The following DOCK7 variants were observed in gnomAD, a reference collection of about 807,000 sequenced individuals.
DOCK7 encodes the protein dedicator of cytokinesis protein 7.
A neutral mutation model predicts 271.0 loss-of-function variants in DOCK7; 138 were observed. The observed-to-expected ratio is 0.51, with a 90% CI of 0.44 to 0.59. The LOEUF (loss-of-function observed/expected upper bound fraction) is 0.59, where lower values mean the gene tolerates loss of function less well. Among genes scored for constraint, DOCK7 ranks in the 20% least tolerant of loss-of-function variants. The pLI, the probability that DOCK7 is intolerant of heterozygous loss-of-function variation, is 0.00. For missense variants in DOCK7, 2,066 were observed against 2,592.4 expected (o/e 0.80, Z 4.41); for synonymous variants, 823 against 876.1 (o/e 0.94, Z 1.07).
chr1:62,598,170 C>T, intron 14 of DOCK7: 1 of 1,046,842 alleles, frequency 9.6e-7, no homozygotes, highest in Non-Finnish European at 1.3e-6. Flanking sequence ...TGTTGAAATA[C>T]TTTTTTTTCC....
At chr1:62,666,148 A>C (rs954904468) in intron 1 of DOCK7, among the ~76,000 whole-genome samples, 4 of 152,182 alleles carry the variant, frequency 2.6e-5, no homozygotes, top group African/African-American at 9.7e-5. Flanking sequence ...TGGGCGACAG[A>C]GTGAGACTCT....
intron 43 of DOCK7, chr1:62,483,513 C>G (rs1194235611): frequency 6.6e-6 from 1 of 151,484 alleles, no homozygotes; most frequent in African/African-American, 2.4e-5. Context: ...TTTTCCTTAA[C>G]TTTCTTCATA....
intron 48 of DOCK7, among the ~76,000 whole-genome samples, chr1:62,466,218 G>A (rs1344088733): frequency 6.6e-6 from 1 of 151,382 alleles, no homozygotes; most frequent in African/African-American, 2.4e-5. Context: ...TGTTTTTTCT[G>A]AACAGATTTT....
At chr1:62,505,127 C>T (rs116004934) in intron 36 of DOCK7, among the ~76,000 whole-genome samples, 2,651 of 152,172 alleles carry the variant, frequency 0.017, 76 homozygotes, top group African/African-American at 0.06. Context: ...CAAAATAATA[C>T]GTAAGTTATT....
At chr1:62,665,428 A>G (rs1659178997) in intron 1 of DOCK7, among the ~76,000 whole-genome samples, 1 of 151,892 alleles carries the variant, frequency 6.6e-6, no homozygotes, top group Non-Finnish European at 1.5e-5. Flanking sequence ...AAAACAGGCC[A>G]GGCGCGGTGG....
chr1:62,667,952 G>A (rs1340788339), intron 1 of DOCK7, among the ~76,000 whole-genome samples: 1 of 151,944 alleles, frequency 6.6e-6, no homozygotes, highest in Non-Finnish European at 1.5e-5. Context: ...CCAGGGAGCT[G>A]GAGGTTGCAG....
chr1:62,584,858 A>T lies in DOCK7; in HGVS notation c.1801-1604T>A, dbSNP rs900097699. Reference sequence around the variant, plus strand: ...GAGGGAGAGGTCTAACTGTCGGTATAGGATGGGTGCAGCTGGGGCTCTGTA... The same window carrying T: ...GAGGGAGAGGTCTAACTGTCGGTATTGGATGGGTGCAGCTGGGGCTCTGTA... On this transcript the variant is annotated intron_variant, in intron 15 of 49. Coordinates refer to ENST00000635253, the MANE Select transcript of DOCK7 (RefSeq NM_001367561.1). 8.2e-5 allele frequency: 59 copies of T among 718,406 alleles called. No individual in the cohort carries two copies. In the East Asian group the frequency reaches 1.6e-3, roughly 19 times the overall value. 44.5% of individuals were successfully genotyped at this position (718,406 alleles called of 1,614,324 possible).
chr1:62,546,340 A>T (rs1645707135), intron 22 of DOCK7, among the ~76,000 whole-genome samples: 1 of 152,080 alleles, frequency 6.6e-6, no homozygotes, highest in Non-Finnish European at 1.5e-5. Context: ...TTTCAGGAGA[A>T]TATTTCCTCC....
At chr1:62,646,210 C>T (rs926296753) in intron 7 of DOCK7, among the ~76,000 whole-genome samples, 2 of 149,178 alleles carry the variant, frequency 1.3e-5, no homozygotes, top group Non-Finnish European at 3.0e-5. Context: ...CACAGATGAA[C>T]GTTGAAAACA....
intron 2 of DOCK7, among the ~76,000 whole-genome samples, chr1:62,661,110 AAAGATACAGGCC>A (rs1658611322): frequency 6.6e-6 from 1 of 152,128 alleles, no homozygotes; most frequent in South Asian, 2.1e-4. Flanking sequence ...AAAAAAAAAA[AAAGATACAGGCC>A]ACAACCTGAA....
chr1:62,605,598 A>T lies in DOCK7; in HGVS notation c.1682+13108T>A, dbSNP rs574808296. 3.3e-5 allele frequency: 5 copies of T among 152,562 alleles called. No homozygotes were observed. The East Asian group carries it at 9.6e-4, about 29-fold the overall frequency. 9.5% of individuals were successfully genotyped at this position (152,562 alleles called of 1,614,324 possible). ...TTGTAAAGGAATCTTGTCAGATTAC[A>T]GTAAGAATGAACATATTTGTGGCAT... is the stretch of plus-strand genomic sequence containing the variant. On this transcript the variant is annotated intron_variant, in intron 14 of 49. Coordinates refer to ENST00000635253, the MANE Select transcript of DOCK7 (RefSeq NM_001367561.1).
Position 62,648,246 on chromosome 1 carries a change from A to G in DOCK7, c.592T>C (p.Leu198=), listed in dbSNP as rs891361575. ...AAAGCATCAGGAAGTGAATTTTTCA[A>G]GTCAAAGATACTACAGGCCCAGCTA... ...RGSWACSIFD[L]KNSLPDALLP... The change falls in exon 6 of 50, where the codon TTG becomes CTG. Residue 198 remains leucine, a synonymous_variant. Transcript: ENST00000635253. 1 of 1,613,564 alleles carries G rather than the reference A, an allele frequency of 6.2e-7. No homozygotes were observed. The highest frequency in any genetic ancestry group is 8.5e-7 in the Non-Finnish European group (1 of 1,179,730).
rs763991514 is a variant in DOCK7 at position 62,529,377 on chromosome 1, C to T, written c.3681G>A (p.Pro1227=). The T allele has an allele frequency of 1.7e-5, 27 of 1,613,480 alleles. No homozygotes were observed. Among genetic ancestry groups the T allele is most frequent in the South Asian group, 5.5e-5 (5 of 91,060 alleles). Reference sequence around the variant, plus strand: ...CCTTTATCTGAGGGTCAGAGTACCGCGGGTCTGAGTCGTGACTGGAGAGTA... The same window carrying T: ...CCTTTATCTGAGGGTCAGAGTACCGTGGGTCTGAGTCGTGACTGGAGAGTA... The part of the protein sequence containing the change: ...HNLLSSHDSD[P]RYSDPQIKAR... Residue 1227 remains proline, a synonymous_variant, in exon 30 of 50, where the codon CCG becomes CCA. Transcript: ENST00000635253.
intron 1 of DOCK7, among the ~76,000 whole-genome samples, chr1:62,663,622 A>T (rs1213123544): frequency 6.6e-6 from 1 of 152,190 alleles, no homozygotes; most frequent in Non-Finnish European, 1.5e-5. Flanking sequence ...TCCCCATTAG[A>T]GTTTCCAGCT....
At position 62,595,600 on chromosome 1, in the gene DOCK7, C is replaced by T. The variant is rs955881226; in HGVS notation, c.1683-8976G>A. ...AATCCTAAGTCATCAAAAGGAAGAGCCTCTATTTTACACAATGAAGAGGCA... is the reference window on the plus strand; with the variant it reads ...AATCCTAAGTCATCAAAAGGAAGAGTCTCTATTTTACACAATGAAGAGGCA... On this transcript the variant is annotated intron_variant, in intron 14 of 49. Transcript: ENST00000635253. 1.2e-4 allele frequency among the ~76,000 whole-genome samples: 18 copies of T among 152,064 alleles called. 2 individuals are homozygous for T. Among genetic ancestry groups the T allele is most frequent in the Admixed American group, 9.8e-4 (15 of 15,252 alleles).
chr1:62,514,426 T>C (rs1293014020), intron 31 of DOCK7, among the ~76,000 whole-genome samples: 1 of 152,122 alleles, frequency 6.6e-6, no homozygotes, highest in Non-Finnish European at 1.5e-5. Context: ...TTATAGCATA[T>C]AAGGTTGAAA....
intron 2 of DOCK7, 56 bp downstream of exon 2, chr1:62,662,969 C>T: frequency 7.2e-7 from 1 of 1,381,624 alleles, no homozygotes; most frequent in Non-Finnish European, 1.0e-6. Context: ...ACTATTTTTT[C>T]ATGGCCTAGT....
intron 14 of DOCK7, among the ~76,000 whole-genome samples, chr1:62,618,238 T>C (rs1438945465): frequency 6.6e-6 from 1 of 152,152 alleles, no homozygotes; most frequent in Non-Finnish European, 1.5e-5. Context: ...TCAACAAATA[T>C]TGTTGATTTA....
chr1:62,643,181 C>T (rs1411004502), intron 7 of DOCK7, among the ~76,000 whole-genome samples: 1 of 152,196 alleles, frequency 6.6e-6, no homozygotes, highest in East Asian at 1.9e-4. Flanking sequence ...GACCAACCTG[C>T]CTGCTAACTA....
Sources: gnomAD v4.1 joint callset for allele counts (sites outside exome capture counted in the v4.1 genomes callset) on GRCh38, gnomAD v4.1.1 for gene constraint, MANE v1.5 for transcripts, NCBI Gene and HGNC (gene_info 2026-07-23, HGNC 2026-07-21) for gene names.